Variants in UGT1A6 observed in about 807,000 individuals in gnomAD.
UGT1A6 encodes the protein UDP glucuronosyltransferase family 1 member A6.
A neutral mutation model predicts 44.4 loss-of-function variants in UGT1A6; 32 were observed. The ratio of observed to expected loss-of-function variants is 0.72; its 90% CI spans 0.54 to 0.97. The LOEUF (loss-of-function observed/expected upper bound fraction) is 0.97. Ranked by LOEUF, UGT1A6 falls within the 50% of genes least tolerant of loss-of-function variation. The pLI is 0.00. For synonymous variants in UGT1A6, 238 were observed against 248.5 expected, an observed-to-expected ratio of 0.96 and a Z score of 0.40; for missense variants, 685 against 661.9, an observed-to-expected ratio of 1.03 and a Z score of -0.38.
chr2:233,768,116 A>G, intron 3 of UGT1A6, 104 bp from the exon 4 acceptor site: 1 of 1,599,724 alleles, frequency 6.3e-7, no homozygotes, highest in Non-Finnish European at 8.5e-7. Context: ...CTGCAAGGGC[A>G]TGTGAGTAAC....
intron 1 of UGT1A6, chr2:233,729,865 G>C (rs2077938207): frequency 3.7e-6 from 6 of 1,613,698 alleles, no homozygotes; most frequent in African/African-American, 1.3e-5. Context: ...GTCAGTGGTG[G>C]ATATTCTCAG....
chr2:233,741,958 T>C (rs4663965), intron 1 of UGT1A6: 83,397 of 151,744 alleles, frequency 0.55, 25,208 homozygotes, highest in African/African-American at 0.8. Flanking sequence ...GGTACTTTCT[T>C]GTTGTGTTTA....
chr2:233,732,815 A>G (rs1359476181), intron 1 of UGT1A6, among the ~76,000 whole-genome samples: 2 of 140,410 alleles, frequency 1.4e-5, no homozygotes, highest in African/African-American at 5.5e-5. Context: ...TTGATTCCAT[A>G]TGAACTTTAA....
At chr2:233,757,644 C>A (rs1202656622) in intron 1 of UGT1A6, among the ~76,000 whole-genome samples, 2 of 149,758 alleles carry the variant, frequency 1.3e-5, no homozygotes, top group African/African-American at 4.9e-5. Flanking sequence ...GAACAAAATG[C>A]TGTTTTTCTG....
In UGT1A6 at chr2:233,693,850, G is replaced by A. The variant is rs1347397374; in HGVS notation, c.846G>A (p.Arg282=). Residue 282 remains arginine, a synonymous_variant, in exon 1 of 5, where the codon AGG becomes AGA. Transcript: ENST00000305139. ...TTGGAGGTATCAACTGTAAGAAGAG[G>A]AAAGACTTGTCTCAGGTTGGTGGGT... ...VFIGGINCKK[R]KDLSQEFEAY... 6.2e-7 allele frequency: 1 copy of A among 1,614,080 alleles called. No homozygotes were observed.
At chr2:233,718,681 T>C in intron 1 of UGT1A6, 1 of 1,572,088 alleles carries the variant, frequency 6.4e-7, no homozygotes, top group Admixed American at 1.8e-5. Context: ...GGGTAATAAG[T>C]AACTGGAGGA....
chr2:233,713,288 G>T (rs767329942), intron 1 of UGT1A6: 6 of 1,614,202 alleles, frequency 3.7e-6, no homozygotes, highest in Non-Finnish European at 5.1e-6. Context: ...ACACTCAATC[G>T]TTCTTTGAAA....
intron 3 of UGT1A6, 72 bp downstream of exon 3, chr2:233,768,008 C>A (rs1699546066): frequency 1.9e-6 from 3 of 1,613,978 alleles, no homozygotes; most frequent in Admixed American, 1.7e-5. Context: ...CACAGCTATT[C>A]TAAAGGATTG....
intron 1 of UGT1A6, chr2:233,713,771 C>T (rs780343524): frequency 3.7e-6 from 6 of 1,614,000 alleles, no homozygotes; most frequent in Non-Finnish European, 5.1e-6. Flanking sequence ...TCCGAGGGGA[C>T]TTTGTGATGG....
At chr2:233,710,619 T>C (rs1407259105) in intron 1 of UGT1A6, among the ~76,000 whole-genome samples, 1 of 152,230 alleles carries the variant, frequency 6.6e-6, no homozygotes, top group Non-Finnish European at 1.5e-5. Flanking sequence ...TCTTCTTATA[T>C]TTGAGTAGTG....
intron 1 of UGT1A6, among the ~76,000 whole-genome samples, chr2:233,723,239 T>G (rs1575545383): frequency 9.2e-6 from 1 of 108,658 alleles, no homozygotes; most frequent in African/African-American, 4.5e-5. Context: ...TGAGTTGGAG[T>G]CCTGCTGTCA....
intron 1 of UGT1A6, among the ~76,000 whole-genome samples, chr2:233,749,970 G>A (rs373320687): frequency 6.6e-6 from 1 of 151,884 alleles, no homozygotes; most frequent in Non-Finnish European, 1.5e-5. Context: ...TGTCTTTATA[G>A]CAGTGTGAGA....
intron 1 of UGT1A6, chr2:233,713,048 C>T (rs2076273385): frequency 6.2e-7 from 1 of 1,614,080 alleles, no homozygotes; most frequent in Admixed American, 1.7e-5. Flanking sequence ...TGCTGCTTCT[C>T]CTCAGTGTCC....
chr2:233,729,968 G>C (rs201755757), intron 1 of UGT1A6: 1 of 1,614,008 alleles, frequency 6.2e-7, no homozygotes. Context: ...GGCATCAACT[G>C]TGCCAACAGG....
In UGT1A6 at chr2:233,721,831, C is replaced by T. The variant is rs75130623; in HGVS notation, c.861+27966C>T. ...AAATCCAGCACCCTATTTGGGCCACCGACCTTGTGTCCAGCCCCACTGCTC... is the reference window on the plus strand; with the variant it reads ...AAATCCAGCACCCTATTTGGGCCACTGACCTTGTGTCCAGCCCCACTGCTC... On this transcript the variant is annotated intron_variant, in intron 1 of 4. Transcript: ENST00000305139. 6.7e-3 allele frequency: 3,461 copies of T among 513,060 alleles called. 26 individuals carry two copies. Among genetic ancestry groups the T allele is most frequent in the Non-Finnish European group, 0.011 (2,698 of 255,510 alleles). 31.8% of individuals were successfully genotyped at this position (513,060 alleles called of 1,614,324 possible).
At position 233,760,643 on chromosome 2, in the gene UGT1A6, A is replaced by G. The variant is rs534521374; in HGVS notation, c.862-6391A>G. On this transcript the variant is annotated intron_variant, in intron 1 of 4. Coordinates refer to ENST00000305139, the MANE Select transcript of UGT1A6 (RefSeq NM_001072.4). ...AAAACATACAAGAAAATAAAAAAGG[A>G]CTCTGCTATGCTTTTGTCTGGCTGT... 5.0e-6 allele frequency: 8 copies of G among 1,614,148 alleles called. No individual in the cohort carries two copies. The South Asian group carries it at 8.8e-5, about 18-fold the overall frequency.
At position 233,769,556 on chromosome 2, in the gene UGT1A6, A is replaced by G. The variant is rs1699895169; in HGVS notation, c.1301+1117A>G. 6.2e-7 allele frequency: 1 copy of G among 1,612,744 alleles called. No individual in the cohort carries two copies. Among genetic ancestry groups the G allele is most frequent in the African/African-American group, 1.3e-5 (1 of 74,934 alleles). On this transcript the variant is annotated intron_variant, in intron 4 of 4. Transcript: ENST00000305139. The surrounding 1 kb of genome is among the most constrained non-coding windows in gnomAD (Gnocchi z 4.4). ...AAAGAAGCAGCAGTCAGGAAGACAG[A>G]TGTGAAGAGCTGGAGCATGTTCAGA...
intron 1 of UGT1A6, among the ~76,000 whole-genome samples, chr2:233,720,256 G>C (rs1200370479): frequency 6.6e-6 from 1 of 152,186 alleles, no homozygotes; most frequent in East Asian, 1.9e-4. Flanking sequence ...AGTTTCCAGA[G>C]AGGGATCTGT....
chr2:233,737,358 T>G (rs955996652), intron 1 of UGT1A6, among the ~76,000 whole-genome samples: 1 of 152,234 alleles, frequency 6.6e-6, no homozygotes, highest in African/African-American at 2.4e-5. Flanking sequence ...TGGGAGCTGC[T>G]AAGCCAGGCA....
Sources: gnomAD v4.1 joint callset for allele counts (sites outside exome capture counted in the v4.1 genomes callset) on GRCh38, gnomAD v4.1.1 for gene constraint, Gnocchi (gnomAD v3.1) non-coding constraint, MANE v1.5 for transcripts, NCBI Gene and HGNC (gene_info 2026-07-23, HGNC 2026-07-21) for gene names.